NUP98: variants seen among roughly 807,000 people sequenced by gnomAD.
The protein encoded by NUP98 is nucleoporin 98 and 96 precursor.
In NUP98, 26 loss-of-function variants were observed where a neutral mutation model predicts 191.9. That is an observed-to-expected ratio of 0.14 (90% CI 0.10 to 0.19). NUP98 has a LOEUF of 0.19. Ranked by LOEUF, NUP98 falls within the 10% of genes least tolerant of loss-of-function variation. The pLI is 1.00. For synonymous variants in NUP98, 808 were observed against 778.4 expected (o/e 1.04, Z -0.63); for missense variants, 1,941 against 2,178.8 (o/e 0.89, Z 2.17).
rs780014475 is a variant in NUP98, at chr11:3,679,722, G to A, written c.4919-14C>T. 1 of 1,611,990 alleles carries A rather than the reference G, an allele frequency of 6.2e-7. No individual in the cohort carries two copies. The highest frequency in any genetic ancestry group is 8.5e-7 in the Non-Finnish European group (1 of 1,179,140). ...TAATGATGGCATCTGAAGAAACAAA[G>A]TATTGAGCACAATGTCTGCACAAGT... On this transcript the variant is annotated splice_polypyrimidine_tract_variant and intron_variant, in intron 30 of 32. Coordinates refer to ENST00000324932, the MANE Select transcript of NUP98 (RefSeq NM_016320.5).
chr11:3,779,894 G>A (rs1183959614), intron 2 of NUP98, among the ~76,000 whole-genome samples: 4 of 152,126 alleles, frequency 2.6e-5, no homozygotes, highest in Middle Eastern at 6.8e-3. Context: ...TTGGGAGGCC[G>A]AGGTGGGCGA....
Position 3,778,885 on chromosome 11 carries a change from T to G in NUP98, c.343A>C (p.Thr115Pro). ...ATGTCCCACTTACTGCCAAAGCCAG[T>G]TGGTTTATTTTGTGCAAAGGCATTG... ...QNNAFAQNKP[T>P]GFGNFGTSTS... The change falls in exon 4 of 33, where the codon ACT (threonine) becomes CCT (proline). Residue 115 changes from threonine (T) to proline (P), a missense_variant. Around this residue, in one of 6 missense-constraint regions of NUP98, gnomAD observed 154 missense variants for 182.9 expected, o/e 0.84. Transcript: ENST00000324932. 1 of 1,613,776 alleles carries G rather than the reference T, an allele frequency of 6.2e-7. No homozygotes were observed. Among genetic ancestry groups the G allele is most frequent in the East Asian group, 2.2e-5 (1 of 44,872 alleles).
chr11:3,677,405 C>T (rs1473271277), intron 31 of NUP98, among the ~76,000 whole-genome samples: 6 of 129,972 alleles, frequency 4.6e-5, no homozygotes, highest in African/African-American at 1.6e-4. Flanking sequence ...TTTTATGTAA[C>T]ATAGGTTTTT....
chr11:3,697,091 T>C (rs2078533177), intron 25 of NUP98: 1 of 152,028 alleles, frequency 6.6e-6, no homozygotes, highest in Non-Finnish European at 1.5e-5. Context: ...AAATTCTCAC[T>C]GTACAAATGC....
At chr11:3,776,068 G>A (rs776765768) in intron 4 of NUP98, 47 bp from the exon 5 acceptor site, 2 of 1,431,174 alleles carry the variant, frequency 1.4e-6, no homozygotes, top group East Asian at 2.3e-5. Flanking sequence ...AGAAATTTAA[G>A]AATGTATAAG....
intron 10 of NUP98, among the ~76,000 whole-genome samples, chr11:3,759,163 G>C (rs116843765): frequency 0.05 from 7,684 of 152,228 alleles, 256 homozygotes; most frequent in Middle Eastern, 0.099. Context: ...GAATCTATCA[G>C]TGCCTAGTGA....
intron 1 of NUP98, 55 bp from the exon 2 acceptor site, chr11:3,782,200 TG>T: frequency 1.0e-6 from 1 of 964,774 alleles, no homozygotes; most frequent in Non-Finnish European, 1.6e-6. Flanking sequence ...GGAATATAAT[TG>T]TTTTAGAAAA....
intron 7 of NUP98, 108 bp from the exon 8 acceptor site, chr11:3,768,852 A>G: frequency 1.3e-6 from 1 of 763,846 alleles, no homozygotes; most frequent in East Asian, 2.8e-5. Flanking sequence ...TCTTTATGTT[A>G]TCTACTACCC....
chr11:3,694,307 G>T (rs913461970), intron 26 of NUP98, among the ~76,000 whole-genome samples: 1 of 151,660 alleles, frequency 6.6e-6, no homozygotes, highest in Non-Finnish European at 1.5e-5. Flanking sequence ...GGACACAGAG[G>T]TTGCAGTGAG....
chr11:3,682,860 C>A (rs2078021447), intron 30 of NUP98, among the ~76,000 whole-genome samples: 1 of 152,112 alleles, frequency 6.6e-6, no homozygotes, highest in African/African-American at 2.4e-5. Flanking sequence ...CTGAAATTCT[C>A]CAATGGAAAA....
At chr11:3,702,307 ACACACACTCTCTCTCT>A (rs1242443742) in intron 23 of NUP98, among the ~76,000 whole-genome samples, 140 bp downstream of exon 23, 15 of 57,906 alleles carry the variant, frequency 2.6e-4, no homozygotes, top group African/African-American at 7.5e-4. Flanking sequence ...ACACACACAC[ACACACACTCTCTCTCT>A]CTCTCTCTCT....
chr11:3,789,768 C>G (rs145829609), intron 1 of NUP98, among the ~76,000 whole-genome samples: 72 of 151,282 alleles, frequency 4.8e-4, no homozygotes, highest in African/African-American at 1.7e-3. Flanking sequence ...TGTGCCAGGC[C>G]CATTTACTTA....
chr11:3,700,467 G>A lies in NUP98; in HGVS notation c.3742+143C>T, dbSNP rs895127372. ...ACAATTTCTTCTTGCTTGGGAATCT[G>A]CTTAGTTAAACTCAACCTCAGAAAA... On this transcript the variant is annotated intron_variant, in intron 24 of 32. Transcript: ENST00000324932. The A allele has an allele frequency of 9.0e-6, 5 of 552,866 alleles. No homozygotes were observed. The East Asian group carries it at 9.1e-5, about 10-fold the overall frequency. 34.2% of individuals were successfully genotyped at this position (552,866 alleles called of 1,614,324 possible). A position where few individuals can be genotyped will look rare whatever the true frequency, so the allele number is the denominator to read the frequency against.
At chr11:3,754,665 G>A (rs1056964705) in intron 10 of NUP98, among the ~76,000 whole-genome samples, 1 of 151,990 alleles carries the variant, frequency 6.6e-6, no homozygotes, top group Non-Finnish European at 1.5e-5. Context: ...GTATCAGCCA[G>A]GCACGGTGGC....
At position 3,702,817 on chromosome 11, in the gene NUP98, G is replaced by A. The variant is rs1321760828; in HGVS notation, c.3158C>T (p.Thr1053Ile). 3.1e-6 allele frequency: 5 copies of A among 1,614,018 alleles called. No individual in the cohort carries two copies. The highest frequency in any genetic ancestry group is 4.2e-6 in the Non-Finnish European group (5 of 1,180,002). Residue 1053 changes from threonine (T) to isoleucine (I), a missense_variant, in exon 23 of 33, where the codon ACT becomes ATT. Thr to Ile is a moderately conservative substitution (Grantham distance 89). Transcript: ENST00000324932. The stretch of plus-strand genomic sequence containing the variant: ...ATTCATTAAAGATGCTGCTCTGGGA[G>A]TACGACATTCTTGCACAGAGACACT... ...SPSVSVQECR[T>I]PRAASLMNIP... is the part of the protein sequence containing the mutation.
intron 1 of NUP98, among the ~76,000 whole-genome samples, chr11:3,793,471 A>G (rs1194585522): frequency 1.3e-5 from 2 of 151,882 alleles, no homozygotes; most frequent in African/African-American, 4.8e-5. Context: ...TATTTTTAGT[A>G]GATTCAGGGT....
At chr11:3,695,374 C>G in intron 26 of NUP98, 75 bp downstream of exon 26, 1 of 1,336,264 alleles carries the variant, frequency 7.5e-7, no homozygotes, top group Non-Finnish European at 9.9e-7. Context: ...AAAGATCACT[C>G]CTTGCCTCAA....
intron 20 of NUP98, among the ~76,000 whole-genome samples, chr11:3,708,867 T>A (rs1255767698): frequency 6.6e-6 from 1 of 152,138 alleles, no homozygotes; most frequent in Non-Finnish European, 1.5e-5. Flanking sequence ...TCCTACAGTA[T>A]AATCTCTTGA....
chr11:3,710,699 T>A (rs1303319443), intron 20 of NUP98, among the ~76,000 whole-genome samples: 1 of 152,136 alleles, frequency 6.6e-6, no homozygotes, highest in Admixed American at 6.6e-5. Context: ...TGTAGGGTCT[T>A]TGGTGCTAAT....
Sources: allele counts gnomAD v4.1 joint callset (sites outside exome capture counted in the v4.1 genomes callset), GRCh38; gene constraint gnomAD v4.1.1; regional missense constraint gnomAD v4.1.1; transcripts MANE v1.5; gene names NCBI Gene and HGNC (gene_info 2026-07-23, HGNC 2026-07-21).